The following PLA2G15 variants were observed in gnomAD, a reference collection of about 807,000 sequenced individuals.
PLA2G15 encodes phospholipase A2 group XV.
Under a neutral mutation model 40.9 loss-of-function variants are expected in PLA2G15, and 20 were observed. That is an observed-to-expected ratio of 0.49 (90% CI 0.34 to 0.71). The LOEUF is 0.71. PLA2G15 is among the 30% of genes least tolerant of loss of function. The pLI, the probability that PLA2G15 is intolerant of heterozygous loss-of-function variation, is 0.01. For synonymous variants in PLA2G15, 223 were observed against 228.2 expected (o/e 0.98, Z 0.21); for missense variants, 471 against 541.9 (o/e 0.87, Z 1.30).
At position 68,255,884 on chromosome 16, in the gene PLA2G15, T is replaced by C. The variant is rs2042397198; in HGVS notation, c.621T>C (p.Phe207=). ...HSMGNMYTLY[F]LQRQPQAWKD... is the part of the protein sequence containing the mutation. The stretch of plus-strand genomic sequence containing the variant: ...TGGGCAACATGTACACGCTCTACTT[T>C]CTGCAGCGGCAGCCGCAGGCCTGGA... The change falls in exon 5 of 6, where the codon TTT becomes TTC. Residue 207 remains phenylalanine (F), a synonymous_variant. Coordinates refer to ENST00000219345, the MANE Select transcript of PLA2G15 (RefSeq NM_012320.4). This position sits in a 1 kb window ranked among gnomAD's most constrained non-coding sequence, Gnocchi z 5.9. 6.2e-7 allele frequency: 1 copy of C among 1,614,032 alleles called. No homozygotes were observed. Among genetic ancestry groups the C allele is most frequent in the Non-Finnish European group, 8.5e-7 (1 of 1,179,994 alleles).
intron 2 of PLA2G15, 178 bp from the exon 3 acceptor site, chr16:68,254,741 C>A (rs1420275023): frequency 3.4e-6 from 2 of 589,198 alleles, no homozygotes; most frequent in African/African-American, 3.8e-5. Context: ...TCCCTAAGTG[C>A]TGGGATTACA....
intron 1 of PLA2G15, among the ~76,000 whole-genome samples, chr16:68,246,671 C>T (rs2042312080): frequency 6.6e-6 from 1 of 152,082 alleles, no homozygotes; most frequent in African/African-American, 2.4e-5. Context: ...ACAGTGATCC[C>T]CAGAGAGGAA....
At chr16:68,256,083 G>A (rs953502003) in intron 5 of PLA2G15, 93 bp downstream of exon 5, 14 of 775,946 alleles carry the variant, frequency 1.8e-5, no homozygotes, top group African/African-American at 3.5e-5. Flanking sequence ...AGCATGCCTC[G>A]TGTCTGTCCC....
At position 68,255,649 on chromosome 16, in the gene PLA2G15, G is replaced by C; in HGVS notation, c.503-117G>C. 1.2e-6 allele frequency: 1 copy of C among 850,734 alleles called. No homozygotes were observed. Among genetic ancestry groups the C allele is most frequent in the Admixed American group, 2.0e-5 (1 of 48,908 alleles). 52.7% of individuals were successfully genotyped at this position (850,734 alleles called of 1,614,324 possible). ...AAGGCGGGGGGACCCAGACCGCTCT[G>C]TTTGAATGTGAGCACCCTCCCCTCC... On this transcript the variant is annotated intron_variant, in intron 4 of 5. Transcript: ENST00000219345. This position sits in a 1 kb window ranked among gnomAD's most constrained non-coding sequence, Gnocchi z 5.9.
rs2042390098 is a variant in PLA2G15 at position 68,255,139 on chromosome 16, G to A, written c.403+102G>A. The A allele has an allele frequency of 8.0e-6, 8 of 1,000,036 alleles. No homozygotes were observed. Among genetic ancestry groups the A allele is most frequent in the Non-Finnish European group, 1.3e-5 (8 of 629,000 alleles). 61.9% of individuals were successfully genotyped at this position (1,000,036 alleles called of 1,614,324 possible). A position where few individuals can be genotyped will look rare whatever the true frequency, so the allele number is the denominator to read the frequency against. Reference sequence around the variant, plus strand: ...CTGCTGGTTTGTAGGGACAGCCTGTGAGCTGTCTCTGATCAGCGTGGGCAC... The same window carrying A: ...CTGCTGGTTTGTAGGGACAGCCTGTAAGCTGTCTCTGATCAGCGTGGGCAC... On this transcript the variant is annotated intron_variant, in intron 3 of 5. Coordinates refer to ENST00000219345, the MANE Select transcript of PLA2G15 (RefSeq NM_012320.4). The surrounding 1 kb of genome is among the most constrained non-coding windows in gnomAD (Gnocchi z 5.9).
Position 68,258,747 on chromosome 16 carries a change from C to A in PLA2G15, c.728-399C>A, listed in dbSNP as rs2042420069. On this transcript the variant is annotated intron_variant, in intron 5 of 5. Transcript: ENST00000219345. ...GTAGTGAGCCAAGACTGTACCACTG[C>A]ACTCCAGCCTGGGTGACAGAATGAG... 4 of 190,218 alleles carry A rather than the reference C, an allele frequency of 2.1e-5. No individual in the cohort carries two copies. The South Asian group carries it at 4.0e-4, about 19-fold the overall frequency. The allele number at this position is 190,218 out of a possible 1,614,324, so 11.8% of individuals were successfully genotyped here. A position where few individuals can be genotyped will look rare whatever the true frequency, so the allele number is the denominator to read the frequency against.
chr16:68,249,650 C>T (rs749961591), intron 2 of PLA2G15, among the ~76,000 whole-genome samples: 4 of 152,184 alleles, frequency 2.6e-5, no homozygotes, highest in Non-Finnish European at 5.9e-5. Flanking sequence ...CCTTGTTCCT[C>T]TACTCTCCAG....
intron 2 of PLA2G15, 108 bp from the exon 3 acceptor site, chr16:68,254,811 C>A: frequency 1.4e-6 from 1 of 731,684 alleles, no homozygotes; most frequent in South Asian, 1.6e-5. Context: ...TCCATCTGAC[C>A]AAACCTGGGC....
At chr16:68,254,772 C>T (rs1057242813) in intron 2 of PLA2G15, 147 bp from the exon 3 acceptor site, 3 of 655,248 alleles carry the variant, frequency 4.6e-6, no homozygotes. Flanking sequence ...GCTTTATCAA[C>T]CTGCTTTGTT....
Position 68,259,529 on chromosome 16 carries a change from T to G in PLA2G15, c.1111T>G (p.Cys371Gly). ...GTVNLKSALQ[C>G]QAWQSRQEHQ... ...TGTGAACTTGAAGAGTGCCCTGCAG[T>G]GCCAGGCCTGGCAGAGCCGCCAGGA... The change falls in exon 6 of 6, where the codon TGC becomes GGC. Residue 371 changes from cysteine (C) to glycine (G), a missense_variant. Cys to Gly is a radical substitution (Grantham distance 159, BLOSUM62 -3). Transcript: ENST00000219345. The surrounding 1 kb of genome is among the most constrained non-coding windows in gnomAD (Gnocchi z 6.5). The G allele has an allele frequency of 6.2e-7, 1 of 1,613,334 alleles. No individual in the cohort carries two copies. The highest frequency in any genetic ancestry group is 8.5e-7 in the Non-Finnish European group (1 of 1,180,020).
intron 5 of PLA2G15, chr16:68,258,803 A>T: frequency 8.5e-6 from 2 of 236,124 alleles, no homozygotes; most frequent in Non-Finnish European, 8.2e-6. Context: ...AAAAGGAAAA[A>T]TTTGCCAGGC....
At chr16:68,257,974 C>T (rs958154786) in intron 5 of PLA2G15, among the ~76,000 whole-genome samples, 5 of 152,292 alleles carry the variant, frequency 3.3e-5, no homozygotes, top group African/African-American at 1.2e-4. Context: ...CAGGGGTCCC[C>T]CAGCCAGGCC....
intron 2 of PLA2G15, chr16:68,254,400 G>T (rs753606592): frequency 6.6e-6 from 1 of 151,778 alleles, no homozygotes; most frequent in Non-Finnish European, 1.5e-5. Context: ...GAGTGCAGTG[G>T]TGTGATCTCA....
At chr16:68,257,848 C>T (rs1281258094) in intron 5 of PLA2G15, among the ~76,000 whole-genome samples, 1 of 152,198 alleles carries the variant, frequency 6.6e-6, no homozygotes, top group Admixed American at 6.5e-5. Flanking sequence ...TGTGAGTCCC[C>T]TTAGAGCTTT....
intron 2 of PLA2G15, chr16:68,253,611 G>A (rs1486600719): frequency 3.4e-6 from 1 of 290,006 alleles, no homozygotes; most frequent in Middle Eastern, 1.3e-3. Context: ...CTAACCTCAA[G>A]TGATCCACGT....
At position 68,249,510 on chromosome 16, in the gene PLA2G15, T is replaced by C. The variant is rs559236894; in HGVS notation, c.284+64T>C. 6,741 of 1,454,048 alleles carry C rather than the reference T, an allele frequency of 4.6e-3. 22 individuals are homozygous for C. Among genetic ancestry groups the C allele is most frequent in the South Asian group, 6.0e-3 (517 of 86,504 alleles). The allele number at this position is 1,454,048 out of a possible 1,614,324, so 90.1% of individuals were successfully genotyped here. A position where few individuals can be genotyped will look rare whatever the true frequency, so the allele number is the denominator to read the frequency against. On this transcript the variant is annotated intron_variant, in intron 2 of 5. Coordinates refer to ENST00000219345, the MANE Select transcript of PLA2G15 (RefSeq NM_012320.4). The stretch of plus-strand genomic sequence containing the variant: ...AACAGTGCCTGAGAGGCCTCCAGAG[T>C]CTGTTCCTTCTATCCTCATCTCGAG...
In PLA2G15 at chr16:68,259,122, C is replaced by G. The variant is rs116438676; in HGVS notation, c.728-24C>G. 5 of 1,591,198 alleles carry G rather than the reference C, an allele frequency of 3.1e-6. No individual in the cohort carries two copies. Among genetic ancestry groups the G allele is most frequent in the African/African-American group, 1.3e-5 (1 of 74,774 alleles). On this transcript the variant is annotated intron_variant, in intron 5 of 5. Coordinates refer to ENST00000219345, the MANE Select transcript of PLA2G15 (RefSeq NM_012320.4). This position sits in a 1 kb window ranked among gnomAD's most constrained non-coding sequence, Gnocchi z 6.5. The stretch of plus-strand genomic sequence containing the variant: ...ACCAGCTGGCATTCCTAAGCACAGA[C>G]TGACCAGAGCCTTCTCCCTGCAGGA...
At chr16:68,252,497 T>C (rs1372139602) in intron 2 of PLA2G15, 1 of 455,714 alleles carries the variant, frequency 2.2e-6, no homozygotes, top group Admixed American at 2.4e-5. Context: ...GTTCCCATCA[T>C]TTCTTCAGGC....
chr16:68,255,128 G>T lies in PLA2G15; in HGVS notation c.403+91G>T. The stretch of plus-strand genomic sequence containing the variant: ...CTGGAGGAACTCTGCTGGTTTGTAG[G>T]GACAGCCTGTGAGCTGTCTCTGATC... On this transcript the variant is annotated intron_variant, in intron 3 of 5. Transcript: ENST00000219345. The surrounding 1 kb of genome is among the most constrained non-coding windows in gnomAD (Gnocchi z 5.9). 9.6e-7 allele frequency: 1 copy of T among 1,038,792 alleles called. No individual in the cohort carries two copies. Among genetic ancestry groups the T allele is most frequent in the South Asian group, 1.3e-5 (1 of 77,526 alleles). The allele number at this position is 1,038,792 out of a possible 1,614,324, so 64.3% of individuals were successfully genotyped here.
Sources: gnomAD v4.1 joint callset for allele counts (sites outside exome capture counted in the v4.1 genomes callset) on GRCh38, gnomAD v4.1.1 for gene constraint, Gnocchi (gnomAD v3.1) non-coding constraint, MANE v1.5 for transcripts, NCBI Gene and HGNC (gene_info 2026-07-23, HGNC 2026-07-21) for gene names.